HCN1: variants seen among roughly 807,000 people sequenced by gnomAD.
HCN1 encodes hyperpolarization activated cyclic nucleotide gated potassium channel 1.
HCN1 carries 13 observed loss-of-function variants against 78.9 expected under a neutral mutation model. The ratio of observed to expected loss-of-function variants is 0.16; its 90% CI spans 0.11 to 0.26. HCN1 has a LOEUF of 0.26. Among genes scored for constraint, HCN1 ranks in the 10% least tolerant of loss-of-function variants. The pLI is 1.00. For synonymous variants in HCN1, 552 were observed against 455.5 expected, an observed-to-expected ratio of 1.21 and a Z score of -2.70; for missense variants, 810 against 1,154.3, an observed-to-expected ratio of 0.70 and a Z score of 4.32.
chr5:45,636,372 C>G (rs889762227), intron 2 of HCN1, among the ~76,000 whole-genome samples: 6 of 152,234 alleles, frequency 3.9e-5, no homozygotes, highest in Non-Finnish European at 7.4e-5. Context: ...TCTAATAGCA[C>G]ACAAATGAGT....
intron 5 of HCN1, among the ~76,000 whole-genome samples, chr5:45,316,800 A>G (rs1033087110): frequency 1.3e-5 from 2 of 152,154 alleles, no homozygotes; most frequent in African/African-American, 4.8e-5. Context: ...ATCATGAGTG[A>G]ACTCCCATTC....
At chr5:45,294,381 A>C (rs753693402) in intron 6 of HCN1, among the ~76,000 whole-genome samples, 5 of 152,026 alleles carry the variant, frequency 3.3e-5, no homozygotes, top group Non-Finnish European at 7.4e-5. Flanking sequence ...CCATTATTAA[A>C]GCAGCATTTA....
chr5:45,678,227 A>G (rs577732468), intron 1 of HCN1, among the ~76,000 whole-genome samples: 1 of 152,048 alleles, frequency 6.6e-6, no homozygotes, highest in South Asian at 2.1e-4. Flanking sequence ...TCAGACCACA[A>G]GAAACCAGAA....
intron 5 of HCN1, among the ~76,000 whole-genome samples, chr5:45,316,500 G>C (rs879869423): frequency 5.7e-4 from 87 of 152,208 alleles, no homozygotes; most frequent in African/African-American, 1.8e-3. Flanking sequence ...TTGAAAACTG[G>C]CACAAGACAG....
Position 45,317,755 on chromosome 5 carries a change from G to T in HCN1, c.1378-13916C>A, listed in dbSNP as rs532362544. ...CAACCCCATCAAAAAGTGGGCGAAG[G>T]ATATGAACAGACACTTCTCAAAAGA... On this transcript the variant is annotated intron_variant, in intron 5 of 7. Coordinates refer to ENST00000303230, the MANE Select transcript of HCN1 (RefSeq NM_021072.4). Among the ~76,000 whole-genome samples, 308 of 152,128 alleles carry T rather than the reference G, an allele frequency of 2.0e-3. 2 individuals carry two copies. Among genetic ancestry groups the T allele is most frequent in the African/African-American group, 6.9e-3 (287 of 41,496 alleles).
intron 5 of HCN1, among the ~76,000 whole-genome samples, chr5:45,333,953 C>A (rs989948911): frequency 6.6e-6 from 1 of 151,736 alleles, no homozygotes; most frequent in African/African-American, 2.4e-5. Context: ...TACGTTAATG[C>A]ATGATGCCAT....
intron 2 of HCN1, among the ~76,000 whole-genome samples, chr5:45,518,634 G>A (rs1742557615): frequency 1.3e-5 from 2 of 152,144 alleles, no homozygotes; most frequent in South Asian, 4.1e-4. Flanking sequence ...AATCCCTTCA[G>A]GGGCTGAAGA....
intron 4 of HCN1, among the ~76,000 whole-genome samples, chr5:45,387,126 G>T (rs1437424057): frequency 6.6e-6 from 1 of 151,730 alleles, no homozygotes; most frequent in Admixed American, 6.6e-5. Context: ...AAAATATTTT[G>T]TCCCAAAGTG....
chr5:45,360,277 AAAT>A (rs1747085352), intron 4 of HCN1, among the ~76,000 whole-genome samples: 1 of 151,744 alleles, frequency 6.6e-6, no homozygotes, highest in Non-Finnish European at 1.5e-5. Flanking sequence ...GTAATTTGAC[AAAT>A]AATAATAAAT....
intron 2 of HCN1, among the ~76,000 whole-genome samples, chr5:45,608,728 T>C (rs968222809): frequency 2.6e-5 from 4 of 152,024 alleles, no homozygotes; most frequent in Non-Finnish European, 5.9e-5. Context: ...GGGTAGAAAA[T>C]ACATTTTTAA....
At chr5:45,369,396 C>T (rs1747302893) in intron 4 of HCN1, among the ~76,000 whole-genome samples, 1 of 150,656 alleles carries the variant, frequency 6.6e-6, no homozygotes, top group South Asian at 2.1e-4. Context: ...TTTGTTTAAA[C>T]TTTCCAAGTA....
intron 3 of HCN1, among the ~76,000 whole-genome samples, chr5:45,430,410 G>A (rs1002449960): frequency 6.6e-6 from 1 of 151,342 alleles, no homozygotes; most frequent in Non-Finnish European, 1.5e-5. Flanking sequence ...TAACAGATAG[G>A]TAGTTTTTTT....
At chr5:45,593,977 A>C (rs1744437671) in intron 2 of HCN1, among the ~76,000 whole-genome samples, 1 of 152,054 alleles carries the variant, frequency 6.6e-6, no homozygotes, top group South Asian at 2.1e-4. Flanking sequence ...TGCCCAGTCT[A>C]TTCCTGAATT....
intron 2 of HCN1, among the ~76,000 whole-genome samples, chr5:45,548,125 G>T (rs572567716): frequency 1.3e-5 from 2 of 151,510 alleles, no homozygotes; most frequent in Admixed American, 6.6e-5. Context: ...TTTAATAATT[G>T]TGTTTTAATA....
At chr5:45,266,688 T>C (rs1000590626) in intron 7 of HCN1, among the ~76,000 whole-genome samples, 2 of 150,992 alleles carry the variant, frequency 1.3e-5, no homozygotes, top group African/African-American at 2.4e-5. Context: ...AAGCAAGCTA[T>C]AAACTGGCAT....
In HCN1 at chr5:45,333,851, C is replaced by T. The variant is rs944024304; in HGVS notation, c.1377+19249G>A. On this transcript the variant is annotated intron_variant, in intron 5 of 7. Coordinates refer to ENST00000303230, the MANE Select transcript of HCN1 (RefSeq NM_021072.4). ...TTCCCACCAAACGTGTACAAGGGTT[C>T]CCTTTTCTCTACATCCTTGCCATCA... Among the ~76,000 whole-genome samples, 3 of 151,828 alleles carry T rather than the reference C, an allele frequency of 2.0e-5. No individual in the cohort carries two copies. In the East Asian group the frequency reaches 5.8e-4, roughly 30 times the overall value.
chr5:45,352,990 T>G (rs1746943105), intron 5 of HCN1, 110 bp downstream of exon 5: 1 of 874,318 alleles, frequency 1.1e-6, no homozygotes, highest in African/African-American at 1.7e-5. Context: ...ACAAAATATC[T>G]TAATAAGTTT....
At chr5:45,498,165 A>T (rs1448301232) in intron 2 of HCN1, among the ~76,000 whole-genome samples, 1 of 152,194 alleles carries the variant, frequency 6.6e-6, no homozygotes, top group Non-Finnish European at 1.5e-5. Flanking sequence ...CTCCTGGATA[A>T]TGTCCTGCAG....
At chr5:45,524,033 T>G (rs1742673607) in intron 2 of HCN1, among the ~76,000 whole-genome samples, 1 of 152,350 alleles carries the variant, frequency 6.6e-6, no homozygotes, top group Non-Finnish European at 1.5e-5. Flanking sequence ...GAATTAATTT[T>G]TGTATAAGGT....
Sources: gnomAD v4.1 joint callset for allele counts (sites outside exome capture counted in the v4.1 genomes callset) on GRCh38, gnomAD v4.1.1 for gene constraint, MANE v1.5 for transcripts, NCBI Gene and HGNC (gene_info 2026-07-23, HGNC 2026-07-21) for gene names.